The following ZDHHC14 variants were observed in gnomAD, a reference collection of about 807,000 sequenced individuals.
ZDHHC14 encodes the protein palmitoyltransferase ZDHHC14.
In ZDHHC14, 16 loss-of-function variants were observed where a neutral mutation model predicts 47.7. That is an observed-to-expected ratio of 0.34 (90% CI 0.23 to 0.51). The LOEUF (loss-of-function observed/expected upper bound fraction) is 0.51, where lower values mean the gene tolerates loss of function less well. Among genes scored for constraint, ZDHHC14 ranks in the 20% least tolerant of loss-of-function variants. ZDHHC14 has a pLI of 0.97. For synonymous variants in ZDHHC14, 293 were observed against 278.9 expected (o/e 1.05, Z -0.50); for missense variants, 515 against 662.5 (o/e 0.78, Z 2.44).
chr6:157,432,982 T>C (rs1372170035), intron 1 of ZDHHC14, among the ~76,000 whole-genome samples: 1 of 152,264 alleles, frequency 6.6e-6, no homozygotes, highest in Non-Finnish European at 1.5e-5. Context: ...AGTTTCCTTC[T>C]GCGCTGAAAT....
chr6:157,651,290 C>T (rs1562529745), intron 7 of ZDHHC14, among the ~76,000 whole-genome samples: 1 of 152,240 alleles, frequency 6.6e-6, no homozygotes, highest in Non-Finnish European at 1.5e-5. Context: ...CTCCACGTTC[C>T]TTGGCTGGCA....
chr6:157,644,173 T>C (rs965785365), intron 5 of ZDHHC14, among the ~76,000 whole-genome samples: 2 of 152,186 alleles, frequency 1.3e-5, no homozygotes, highest in Admixed American at 1.3e-4. Flanking sequence ...ACTTCACCTC[T>C]TCTTTCCAGC....
At chr6:157,611,976 A>C (rs1463725456) in intron 3 of ZDHHC14, among the ~76,000 whole-genome samples, 1 of 152,068 alleles carries the variant, frequency 6.6e-6, no homozygotes, top group Non-Finnish European at 1.5e-5. Flanking sequence ...ATGCATATGC[A>C]GCTTCCCGCT....
At position 157,645,713 on chromosome 6, in the gene ZDHHC14, G is replaced by T. The variant is rs369045976; in HGVS notation, c.753-24G>T. 4.4e-6 allele frequency: 7 copies of T among 1,604,750 alleles called. No homozygotes were observed. The East Asian group carries it at 8.9e-5, about 20-fold the overall frequency. ...ACTTCTTGCGCGGTCCCTCACTTCC[G>T]CTTGCCTCCTTGACTCGCATCACCG... On this transcript the variant is annotated intron_variant, in intron 5 of 8. Coordinates refer to ENST00000359775, the MANE Select transcript of ZDHHC14 (RefSeq NM_024630.3).
rs549506574 is a variant in ZDHHC14, at chr6:157,471,112, C to T, written c.246-71473C>T. Among the ~76,000 whole-genome samples the T allele has an allele frequency of 1.2e-3, 179 of 152,330 alleles. 1 individual carries two copies. Among genetic ancestry groups the T allele is most frequent in the South Asian group, 2.9e-3 (14 of 4,826 alleles). Reference sequence around the variant, plus strand: ...TTTTCAGGTCTCTTCCAGCCCCTGACACAGAGGTCCATGGTCTTCAGATTC... The same window carrying T: ...TTTTCAGGTCTCTTCCAGCCCCTGATACAGAGGTCCATGGTCTTCAGATTC... On this transcript the variant is annotated intron_variant, in intron 1 of 8. Coordinates refer to ENST00000359775, the MANE Select transcript of ZDHHC14 (RefSeq NM_024630.3).
intron 8 of ZDHHC14, among the ~76,000 whole-genome samples, chr6:157,656,720 A>AAAAAAAAAAAAAAC (rs1778113306): frequency 9.7e-6 from 1 of 103,448 alleles, no homozygotes. Context: ...AAAAAAAAAC[A>AAAAAAAAAAAAAAC]AAAAAAAAAA....
At chr6:157,606,001 TA>T (rs1176840548) in intron 3 of ZDHHC14, among the ~76,000 whole-genome samples, 4 of 152,216 alleles carry the variant, frequency 2.6e-5, no homozygotes, top group South Asian at 4.1e-4. Context: ...GTTAGCAAGA[TA>T]TATATGCTGA....
chr6:157,671,139 G>T lies in ZDHHC14; in HGVS notation c.1069-1585G>T, dbSNP rs145038615. On this transcript the variant is annotated intron_variant, in intron 8 of 8. Coordinates refer to ENST00000359775, the MANE Select transcript of ZDHHC14 (RefSeq NM_024630.3). Reference sequence around the variant, plus strand: ...ACCTAAATCACAAAGCCATTGGTGAGTGGTTCTTCAGTAACTCTAGCCTTC... The same window carrying T: ...ACCTAAATCACAAAGCCATTGGTGATTGGTTCTTCAGTAACTCTAGCCTTC... Among the ~76,000 whole-genome samples the T allele has an allele frequency of 2.2e-3, 328 of 152,316 alleles. 4 individuals are homozygous for T. The East Asian group carries it at 0.03, about 14-fold the overall frequency.
chr6:157,565,075 C>T (rs1042356616), intron 2 of ZDHHC14, among the ~76,000 whole-genome samples: 3 of 151,928 alleles, frequency 2.0e-5, no homozygotes, highest in Non-Finnish European at 2.9e-5. Context: ...TGAAACCCCA[C>T]CTCTACTAAA....
At chr6:157,514,596 G>T (rs1780612265) in intron 1 of ZDHHC14, among the ~76,000 whole-genome samples, 1 of 152,252 alleles carries the variant, frequency 6.6e-6, no homozygotes, top group Non-Finnish European at 1.5e-5. Context: ...GCTAGGCAGT[G>T]AATATTGAGT....
At chr6:157,632,772 G>A (rs1785800282) in intron 4 of ZDHHC14, 62 bp from the exon 5 acceptor site, 1 of 1,461,844 alleles carries the variant, frequency 6.8e-7, no homozygotes, top group African/African-American at 1.4e-5. Flanking sequence ...TTGTAGATGA[G>A]AGAGCATTCA....
intron 3 of ZDHHC14, among the ~76,000 whole-genome samples, chr6:157,622,881 A>G (rs1314202368): frequency 1.3e-5 from 2 of 152,032 alleles, no homozygotes; most frequent in African/African-American, 4.8e-5. Context: ...TACTTAATCC[A>G]TAGTTACTGG....
At chr6:157,392,360 A>T (rs1777433963) in intron 1 of ZDHHC14, among the ~76,000 whole-genome samples, 1 of 151,754 alleles carries the variant, frequency 6.6e-6, no homozygotes, top group Admixed American at 6.6e-5. Flanking sequence ...AAGAAAGTTA[A>T]TTTTTTTTCT....
At chr6:157,459,531 G>A (rs1020917662) in intron 1 of ZDHHC14, among the ~76,000 whole-genome samples, 3 of 152,144 alleles carry the variant, frequency 2.0e-5, no homozygotes, top group Non-Finnish European at 2.9e-5. Context: ...GGCGGCCCTC[G>A]CTGGTGAATG....
intron 1 of ZDHHC14, among the ~76,000 whole-genome samples, chr6:157,517,903 G>T (rs536664724): frequency 6.6e-6 from 1 of 152,222 alleles, no homozygotes; most frequent in African/African-American, 2.4e-5. Context: ...GGCATTGCCT[G>T]TGATCTGTAT....
At chr6:157,594,772 C>T (rs560006993) in intron 3 of ZDHHC14, among the ~76,000 whole-genome samples, 1 of 152,338 alleles carries the variant, frequency 6.6e-6, no homozygotes, top group Admixed American at 6.5e-5. Context: ...ATTACCAGTA[C>T]CCTTCCTGGT....
At chr6:157,433,304 A>G (rs553401130) in intron 1 of ZDHHC14, among the ~76,000 whole-genome samples, 33 of 152,340 alleles carry the variant, frequency 2.2e-4, no homozygotes, top group African/African-American at 7.2e-4. Context: ...TAAATACCAA[A>G]TATCATTATG....
intron 2 of ZDHHC14, among the ~76,000 whole-genome samples, chr6:157,587,337 C>T (rs2114882940): frequency 6.6e-6 from 1 of 152,332 alleles, no homozygotes; most frequent in African/African-American, 2.4e-5. Flanking sequence ...TCAGGGGAAG[C>T]ACACAGCCGT....
chr6:157,470,378 C>T (rs567172546), intron 1 of ZDHHC14, among the ~76,000 whole-genome samples: 8 of 152,284 alleles, frequency 5.3e-5, no homozygotes, highest in East Asian at 3.9e-4. Flanking sequence ...CGTGAGCCAC[C>T]GCTCCTGAGA....
Sources: allele counts gnomAD v4.1 joint callset (sites outside exome capture counted in the v4.1 genomes callset), GRCh38; gene constraint gnomAD v4.1.1; transcripts MANE v1.5; gene names NCBI Gene and HGNC (gene_info 2026-07-23, HGNC 2026-07-21).